Variants in KCND2 observed in about 807,000 individuals in gnomAD.
KCND2 encodes potassium voltage-gated channel subfamily D member 2.
A neutral mutation model predicts 54.4 loss-of-function variants in KCND2; 16 were observed. The observed-to-expected ratio is 0.29, with a 90% CI of 0.20 to 0.45. The LOEUF (loss-of-function observed/expected upper bound fraction) is 0.45. Ranked by LOEUF, KCND2 falls within the 20% of genes least tolerant of loss-of-function variation. The pLI, the probability that KCND2 is intolerant of heterozygous loss-of-function variation, is 1.00. For missense variants in KCND2, 486 were observed against 824.2 expected (o/e 0.59, Z 5.02); for synonymous variants, 317 against 310.7 (o/e 1.02, Z -0.21).
rs72353278 is a variant in KCND2, at chr7:120,353,133, C to CTTTTTTT, written c.1115+77405_1115+77411dup. ...TAACAATGTGAGATAAATACTTTTA[C>CTTTTTTT]TTTTTTTTTTTTTTTTTTTTTTTTT... On this transcript the variant is annotated intron_variant, in intron 1 of 5. Coordinates refer to ENST00000331113, the MANE Select transcript of KCND2 (RefSeq NM_012281.3). Among the ~76,000 whole-genome samples the CTTTTTTT allele has an allele frequency of 2.2e-3, 202 of 91,298 alleles. 2 individuals carry two copies. Among genetic ancestry groups the CTTTTTTT allele is most frequent in the Middle Eastern group, 0.012 (1 of 84 alleles). 59.9% of individuals were successfully genotyped at this position (91,298 alleles called of 152,430 possible). A position where few individuals can be genotyped will look rare whatever the true frequency, so the allele number is the denominator to read the frequency against.
chr7:120,394,319 T>C (rs545997586), intron 1 of KCND2, among the ~76,000 whole-genome samples: 5 of 151,996 alleles, frequency 3.3e-5, no homozygotes, highest in African/African-American at 1.2e-4. Flanking sequence ...AAGGGTCTGT[T>C]TGCACTAAGT....
chr7:120,295,525 G>A (rs1396153907), intron 1 of KCND2, among the ~76,000 whole-genome samples: 3 of 151,834 alleles, frequency 2.0e-5, no homozygotes, highest in South Asian at 2.1e-4. Context: ...TTTCACAGAA[G>A]GCTTGCTAAT....
intron 1 of KCND2, among the ~76,000 whole-genome samples, chr7:120,404,278 G>A (rs187515118): frequency 2.0e-5 from 3 of 152,236 alleles, no homozygotes; most frequent in African/African-American, 4.8e-5. Flanking sequence ...TTATGATACT[G>A]TGTGACACGA....
At chr7:120,734,514 C>T (rs541989310) in intron 2 of KCND2, among the ~76,000 whole-genome samples, 1 of 152,222 alleles carries the variant, frequency 6.6e-6, no homozygotes, top group East Asian at 1.9e-4. Flanking sequence ...TTCTGGCTCC[C>T]AGGTTCATAT....
intron 1 of KCND2, among the ~76,000 whole-genome samples, chr7:120,603,555 A>G (rs567280561): frequency 1.6e-4 from 25 of 152,308 alleles, no homozygotes; most frequent in African/African-American, 5.5e-4. Context: ...TCCAGGGAGA[A>G]GTAGCATAGG....
At chr7:120,351,365 TACACACACACACAC>T (rs59756091) in intron 1 of KCND2, among the ~76,000 whole-genome samples, 2,789 of 94,758 alleles carry the variant, frequency 0.029, 123 homozygotes, top group African/African-American at 0.097. Flanking sequence ...TCGAAGAGCA[TACACACACACACAC>T]ACACACACAC....
At chr7:120,304,442 A>G (rs747549548) in intron 1 of KCND2, among the ~76,000 whole-genome samples, 1 of 152,162 alleles carries the variant, frequency 6.6e-6, no homozygotes, top group Non-Finnish European at 1.5e-5. Context: ...GACCTATAAC[A>G]CAATCCTCAA....
At chr7:120,682,262 G>A (rs1191019000) in intron 1 of KCND2, among the ~76,000 whole-genome samples, 1 of 151,742 alleles carries the variant, frequency 6.6e-6, no homozygotes, top group Non-Finnish European at 1.5e-5. Flanking sequence ...AGGGATGTAT[G>A]GAAGAATTAA....
chr7:120,275,508 C>T lies in KCND2; in HGVS notation c.876C>T (p.Leu292=). 1 of 1,612,528 alleles carries T rather than the reference C, an allele frequency of 6.2e-7. No individual in the cohort carries two copies. Among genetic ancestry groups the T allele is most frequent in the Non-Finnish European group, 8.5e-7 (1 of 1,178,990 alleles). Residue 292 remains leucine (L), a synonymous_variant, in exon 1 of 6, where the codon CTC becomes CTT. Transcript: ENST00000331113. ...ACGTCAGCGGAGCCTTTGTCACACT[C>T]CGAGTCTTCCGGGTCTTCAGGATCT... ...NEDVSGAFVT[L]RVFRVFRIFK...
At chr7:120,602,406 G>C (rs1013570446) in intron 1 of KCND2, among the ~76,000 whole-genome samples, 1 of 152,000 alleles carries the variant, frequency 6.6e-6, no homozygotes, top group African/African-American at 2.4e-5. Context: ...CAGGCTTCCT[G>C]CAATCATCTA....
intron 1 of KCND2, among the ~76,000 whole-genome samples, chr7:120,589,499 A>G (rs1792643618): frequency 6.6e-6 from 1 of 152,234 alleles, no homozygotes. Context: ...AAGGAGACAG[A>G]CAGAGTCGCT....
chr7:120,622,247 G>A (rs1793108263), intron 1 of KCND2, among the ~76,000 whole-genome samples: 1 of 152,090 alleles, frequency 6.6e-6, no homozygotes, highest in Non-Finnish European at 1.5e-5. Context: ...CTCAACATAT[G>A]TTAAGCCACT....
chr7:120,576,973 T>G (rs983862322), intron 1 of KCND2, among the ~76,000 whole-genome samples: 1 of 151,996 alleles, frequency 6.6e-6, no homozygotes. Context: ...ACAGTGAAAC[T>G]CCATCTCTAC....
chr7:120,365,862 A>G (rs146210593), intron 1 of KCND2, among the ~76,000 whole-genome samples: 1 of 152,282 alleles, frequency 6.6e-6, no homozygotes, highest in East Asian at 1.9e-4. Flanking sequence ...AATTAAAACA[A>G]CATAAATATA....
intron 1 of KCND2, among the ~76,000 whole-genome samples, chr7:120,523,380 A>G (rs1041555270): frequency 2.0e-4 from 31 of 151,450 alleles, no homozygotes; most frequent in Non-Finnish European, 7.4e-5. Context: ...TAAAATAATA[A>G]ACTTTAAAAT....
At chr7:120,632,088 C>G (rs1236133060) in intron 1 of KCND2, among the ~76,000 whole-genome samples, 8 of 152,080 alleles carry the variant, frequency 5.3e-5, no homozygotes, top group Admixed American at 2.6e-4. Flanking sequence ...TTTTTGTAAC[C>G]TCTCTGAGAC....
chr7:120,662,352 TA>T (rs968774615), intron 1 of KCND2, among the ~76,000 whole-genome samples: 11 of 152,082 alleles, frequency 7.2e-5, no homozygotes, highest in South Asian at 4.1e-4. Flanking sequence ...TTTAATCAGG[TA>T]AAAAAAATCT....
chr7:120,744,037 G>C (rs1394827122), intron 4 of KCND2, among the ~76,000 whole-genome samples: 1 of 152,078 alleles, frequency 6.6e-6, no homozygotes, highest in Admixed American at 6.6e-5. Context: ...AGGTGGGCGG[G>C]TCAACTGAGG....
intron 1 of KCND2, among the ~76,000 whole-genome samples, chr7:120,619,961 A>C (rs1793077101): frequency 6.6e-6 from 1 of 152,166 alleles, no homozygotes; most frequent in Non-Finnish European, 1.5e-5. Context: ...TGAATAGAAT[A>C]TGTTTTGCAA....
Sources: allele counts gnomAD v4.1 joint callset (sites outside exome capture counted in the v4.1 genomes callset), GRCh38; gene constraint gnomAD v4.1.1; transcripts MANE v1.5; gene names NCBI Gene and HGNC (gene_info 2026-07-23, HGNC 2026-07-21).